Variants in FOXN1 observed in about 807,000 individuals in gnomAD.
The protein encoded by FOXN1 is forkhead box protein N1.
FOXN1 carries 15 observed loss-of-function variants against 49.0 expected under a neutral mutation model. The observed-to-expected ratio is 0.31, with a 90% CI of 0.20 to 0.47. The LOEUF (loss-of-function observed/expected upper bound fraction) is 0.47. Among genes scored for constraint, FOXN1 ranks in the 20% least tolerant of loss-of-function variants. The probability of loss-of-function intolerance (pLI) is 1.00; values close to 1 mark genes in which losing one functional copy is unlikely to be tolerated. For missense variants in FOXN1, 800 were observed against 842.8 expected (o/e 0.95, Z 0.63); for synonymous variants, 356 against 369.0 (o/e 0.96, Z 0.40).
Position 28,537,645 on chromosome 17 carries a change from C to T in FOXN1, c.*209C>T. Reference sequence around the variant, plus strand: ...CACACATTTCTGCCACGTGGTGGCCCAGCTCCTCACCCAGGGCCCCCAAAG... The same window carrying T: ...CACACATTTCTGCCACGTGGTGGCCTAGCTCCTCACCCAGGGCCCCCAAAG... On this transcript the variant is annotated 3_prime_UTR_variant, in exon 9 of 9. Coordinates refer to ENST00000579795, the MANE Select transcript of FOXN1 (RefSeq NM_001369369.1). 1.6e-6 allele frequency: 1 copy of T among 629,048 alleles called. No individual in the cohort carries two copies. The highest frequency in any genetic ancestry group is 2.9e-6 in the Non-Finnish European group (1 of 346,480). 39.0% of individuals were successfully genotyped at this position (629,048 alleles called of 1,614,324 possible).
chr17:28,529,304 G>A, intron 5 of FOXN1, 80 bp downstream of exon 5: 1 of 1,539,084 alleles, frequency 6.5e-7, no homozygotes, highest in East Asian at 2.3e-5. Context: ...GGAATCCTCT[G>A]GGTCTACCAG....
In FOXN1 at chr17:28,527,324, A is replaced by G; in HGVS notation, c.662A>G (p.Gln221Arg). The G allele has an allele frequency of 1.2e-6, 2 of 1,613,828 alleles. No individual in the cohort carries two copies. The highest frequency in any genetic ancestry group is 2.2e-5 in the East Asian group (1 of 44,876). Residue 221 changes from glutamine (Q) to arginine (R), a missense_variant, in exon 4 of 9, where the codon CAG becomes CGG. By Grantham distance (43) the Gln-to-Arg change is conservative. Coordinates refer to ENST00000579795, the MANE Select transcript of FOXN1 (RefSeq NM_001369369.1). The part of the protein sequence containing the change: ...AGMFCYQPPL[Q>R]HMYCSSQPPF... Reference sequence around the variant, plus strand: ...ATGTTCTGCTACCAGCCTCCCTTGCAGCATATGTACTGCTCCTCCCAGCCC... The same window carrying G: ...ATGTTCTGCTACCAGCCTCCCTTGCGGCATATGTACTGCTCCTCCCAGCCC...
intron 1 of FOXN1, among the ~76,000 whole-genome samples, chr17:28,510,460 G>A (rs1227117192): frequency 6.6e-6 from 1 of 151,372 alleles, no homozygotes; most frequent in South Asian, 2.1e-4. Flanking sequence ...CCTGGAGACA[G>A]TTGGAGGTCC....
intron 5 of FOXN1, among the ~76,000 whole-genome samples, chr17:28,530,079 A>C (rs1192604791): frequency 6.6e-6 from 1 of 152,016 alleles, no homozygotes; most frequent in Admixed American, 6.6e-5. Context: ...GAAATATCTA[A>C]TGTAGATGAC....
At chr17:28,536,477 T>A (rs375522549) in intron 8 of FOXN1, among the ~76,000 whole-genome samples, 1 of 151,830 alleles carries the variant, frequency 6.6e-6, no homozygotes, top group African/African-American at 2.4e-5. Flanking sequence ...AGAGGGAGAG[T>A]TGGGACTGGA....
At chr17:28,507,588 C>T (rs1309756041) in intron 1 of FOXN1, among the ~76,000 whole-genome samples, 2 of 152,174 alleles carry the variant, frequency 1.3e-5, no homozygotes, top group Admixed American at 6.5e-5. Context: ...GGTCAGTTTC[C>T]TCACAATCAT....
At position 28,537,499 on chromosome 17, in the gene FOXN1, C is replaced by T. The variant is rs2070101888; in HGVS notation, c.*63C>T. ...TCTGGAAGTCCTGGCCGGCCGCCCA[C>T]ATCGGGCTCACCTTAAAGGTCAAGG... is the stretch of plus-strand genomic sequence containing the variant. On this transcript the variant is annotated 3_prime_UTR_variant, in exon 9 of 9. Transcript: ENST00000579795. 1.5e-6 allele frequency: 2 copies of T among 1,309,808 alleles called. No individual in the cohort carries two copies. The highest frequency in any genetic ancestry group is 1.5e-5 in the African/African-American group (1 of 68,932). 81.1% of individuals were successfully genotyped at this position (1,309,808 alleles called of 1,614,324 possible).
chr17:28,532,939 G>A (rs574642684), intron 6 of FOXN1, among the ~76,000 whole-genome samples: 1 of 152,306 alleles, frequency 6.6e-6, no homozygotes, highest in East Asian at 1.9e-4. Context: ...AGTGGAGACT[G>A]TGGTGGGAGT....
intron 2 of FOXN1, 107 bp downstream of exon 2, chr17:28,524,199 T>G: frequency 8.4e-7 from 1 of 1,187,398 alleles, no homozygotes; most frequent in Admixed American, 2.4e-5. Flanking sequence ...AGGGCCTGTC[T>G]TGTCCCCTCC....
At chr17:28,507,949 C>T (rs1003888358) in intron 1 of FOXN1, among the ~76,000 whole-genome samples, 1 of 152,168 alleles carries the variant, frequency 6.6e-6, no homozygotes, top group Non-Finnish European at 1.5e-5. Flanking sequence ...GAGGGCTGCC[C>T]CAGGTTGGGG....
chr17:28,534,980 C>A lies in FOXN1; in HGVS notation c.1409C>A (p.Pro470Gln), dbSNP rs754364565. 6.8e-6 allele frequency: 11 copies of A among 1,614,050 alleles called. No homozygotes were observed. Among genetic ancestry groups the A allele is most frequent in the Non-Finnish European group, 9.3e-6 (11 of 1,179,960 alleles). Residue 470 changes from proline to glutamine, a missense_variant, in exon 8 of 9, where the codon CCA becomes CAA. This residue lies in a region of FOXN1 where 344 missense variants were observed against 366.1 expected (regional missense o/e 0.94). Transcript: ENST00000579795. This position sits in a 1 kb window ranked among gnomAD's most constrained non-coding sequence, Gnocchi z 4.1. ...CTGGCCCCTCCTGGACCCCCGCAGC[C>A]ATTGTTCCCACAGCCGGACGGGCAC... ...PGLAPPGPPQ[P>Q]LFPQPDGHLE...
At chr17:28,517,505 G>C (rs112224812) in intron 1 of FOXN1, among the ~76,000 whole-genome samples, 27,253 of 147,212 alleles carry the variant, frequency 0.19, 2,755 homozygotes, top group Middle Eastern at 0.24. Flanking sequence ...AACTCCACAG[G>C]GTACACACCT....
intron 4 of FOXN1, among the ~76,000 whole-genome samples, chr17:28,528,368 C>A (rs2069823133): frequency 6.6e-6 from 1 of 152,148 alleles, no homozygotes; most frequent in Non-Finnish European, 1.5e-5. Context: ...ACTAAGGGGC[C>A]ACCAGACCTT....
rs1448473984 is a variant in FOXN1, at chr17:28,524,552, A to G, written c.173A>G (p.Glu58Gly). ...CSSFVSDGPP[E>G]RTPSLPPHSP... ...TCATTTGTGTCCGACGGCCCTCCAG[A>G]GAGGACACCCTCACTGCCCCCACAC... Residue 58 changes from glutamate (E) to glycine (G), a missense_variant, in exon 3 of 9, where the codon GAG (glutamate) becomes GGG (glycine). Around this residue, in one of 3 missense-constraint regions of FOXN1, gnomAD observed 383 missense variants for 357.9 expected, o/e 1.07. Transcript: ENST00000579795. The G allele has an allele frequency of 6.2e-7, 1 of 1,613,658 alleles. No individual in the cohort carries two copies. The highest frequency in any genetic ancestry group is 8.5e-7 in the Non-Finnish European group (1 of 1,179,990).
chr17:28,527,178 A>C, intron 3 of FOXN1, 73 bp from the exon 4 acceptor site: 1 of 1,018,950 alleles, frequency 9.8e-7, no homozygotes, highest in Non-Finnish European at 1.5e-6. Context: ...GCTTTTATGT[A>C]AGGTTCAAGA....
In FOXN1 at chr17:28,518,015, G is replaced by A. The variant is rs543291763; in HGVS notation, c.-14-5941G>A. ...CTCCACAGGATCCATACCTCCACAG[G>A]GTACACACCTCCACAGGATACACAC... is the stretch of plus-strand genomic sequence containing the variant. On this transcript the variant is annotated intron_variant, in intron 1 of 8. Transcript: ENST00000579795. 2.0e-5 allele frequency among the ~76,000 whole-genome samples: 3 copies of A among 147,416 alleles called. No homozygotes were observed. In the East Asian group the frequency reaches 6.1e-4, roughly 30 times the overall value.
intron 1 of FOXN1, among the ~76,000 whole-genome samples, chr17:28,510,238 C>T (rs1444921812): frequency 6.6e-6 from 1 of 152,162 alleles, no homozygotes; most frequent in African/African-American, 2.4e-5. Context: ...AGGGCTCCCC[C>T]CACTGCCTCT....
intron 1 of FOXN1, among the ~76,000 whole-genome samples, chr17:28,514,582 G>A (rs2069456137): frequency 6.6e-6 from 1 of 152,104 alleles, no homozygotes; most frequent in African/African-American, 2.4e-5. Context: ...TGCTCCAGGG[G>A]ACCCCTCCCA....
At chr17:28,527,106 T>A (rs922941675) in intron 3 of FOXN1, 145 bp from the exon 4 acceptor site, 1 of 703,228 alleles carries the variant, frequency 1.4e-6, no homozygotes, top group Non-Finnish European at 2.6e-6. Context: ...GGAAAATCTC[T>A]GCCCTTCTCT....
Sources: gnomAD v4.1 joint callset for allele counts (sites outside exome capture counted in the v4.1 genomes callset) on GRCh38, gnomAD v4.1.1 for gene constraint, gnomAD v4.1.1 regional missense constraint, Gnocchi (gnomAD v3.1) non-coding constraint, MANE v1.5 for transcripts, NCBI Gene and HGNC (gene_info 2026-07-23, HGNC 2026-07-21) for gene names.